Variants in PRPF18 observed in about 807,000 individuals in gnomAD.
PRPF18 encodes pre-mRNA-splicing factor 18.
In PRPF18, 38 loss-of-function variants were observed where a neutral mutation model predicts 46.5. That is an observed-to-expected ratio of 0.82 (90% CI 0.63 to 1.07). The LOEUF (loss-of-function observed/expected upper bound fraction) is 1.07. PRPF18 is among the 50% of genes least tolerant of loss of function. PRPF18 has a pLI of 0.00. For missense variants in PRPF18, 263 were observed against 410.0 expected (o/e 0.64, Z 3.10); for synonymous variants, 152 against 146.7 (o/e 1.04, Z -0.26).
At chr10:13,624,800 C>G (rs1367852918) in intron 9 of PRPF18, among the ~76,000 whole-genome samples, 1 of 152,180 alleles carries the variant, frequency 6.6e-6, no homozygotes. Flanking sequence ...AGTGAAAAAA[C>G]CAGCTTGCTG....
chr10:13,655,684 A>T, the PRPF18 span: 1 of 152,090 alleles, frequency 6.6e-6, no homozygotes, highest in African/African-American at 2.4e-5. Flanking sequence ...ACCCCCCATT[A>T]TCTCAGGTCA....
In PRPF18 at chr10:13,611,670, C is replaced by T; in HGVS notation, c.566C>T (p.Thr189Ile). 6.2e-7 allele frequency: 1 copy of T among 1,613,772 alleles called. No individual in the cohort carries two copies. The highest frequency in any genetic ancestry group is 8.5e-7 in the Non-Finnish European group (1 of 1,179,758). Residue 189 changes from threonine to isoleucine, a missense_variant, in exon 6 of 10, where the codon ACC becomes ATC. Transcript: ENST00000378572. ...GDDHKDMDIITKFLKFLLGVW... is the reference protein window; with the variant it reads ...GDDHKDMDIIIKFLKFLLGVW... ...GATCATAAAGACATGGACATCATCACCAAATTCCTGAAGGTGCGTGTCTTA... is the reference window on the plus strand; with the variant it reads ...GATCATAAAGACATGGACATCATCATCAAATTCCTGAAGGTGCGTGTCTTA...
intron 3 of PRPF18, among the ~76,000 whole-genome samples, chr10:13,602,194 A>G (rs553995780): frequency 6.6e-6 from 1 of 152,340 alleles, no homozygotes; most frequent in African/African-American, 2.4e-5. Flanking sequence ...AATTTTTGCC[A>G]AACTGATGGG....
At chr10:13,623,185 C>T (rs546474929) in intron 9 of PRPF18, among the ~76,000 whole-genome samples, 39 of 151,446 alleles carry the variant, frequency 2.6e-4, no homozygotes, top group African/African-American at 8.7e-4. Context: ...TGGGTGACAG[C>T]GCGAGACTCC....
intron 3 of PRPF18, among the ~76,000 whole-genome samples, chr10:13,605,271 G>A (rs373387767): frequency 2.0e-5 from 3 of 152,112 alleles, no homozygotes; most frequent in African/African-American, 7.2e-5. Flanking sequence ...TTTTTGAGAT[G>A]TTTAGTTTTT....
chr10:13,634,283 G>C (rs958292411), downstream of PRPF18, among the ~76,000 whole-genome samples: 3 of 152,158 alleles, frequency 2.0e-5, no homozygotes, highest in Non-Finnish European at 4.4e-5. Context: ...ACTTCCTTCT[G>C]TTGAGTCTCT....
In PRPF18 at chr10:13,598,892, T is replaced by G. The variant is rs2133319809; in HGVS notation, c.145-1352T>G. ...GATAAGGTAGGAAAGTAACTTAATA[T>G]AGTGGCAGTTTTTGCTTTTGTTTAG... On this transcript the variant is annotated intron_variant, in intron 2 of 9. Coordinates refer to ENST00000378572, the MANE Select transcript of PRPF18 (RefSeq NM_003675.4). Among the ~76,000 whole-genome samples the G allele has an allele frequency of 2.0e-5, 3 of 152,288 alleles. No homozygotes were observed. The South Asian group carries it at 6.2e-4, about 32-fold the overall frequency.
chr10:13,638,831 A>C, the PRPF18 span: 2 of 152,174 alleles, frequency 1.3e-5, no homozygotes, highest in African/African-American at 4.8e-5. Flanking sequence ...TTAACCAAAT[A>C]TTTGGGTACC....
Position 13,587,061 on chromosome 10 carries a change from A to C in PRPF18, c.-26A>C. On this transcript the variant is annotated 5_prime_UTR_variant, in exon 1 of 10. Transcript: ENST00000378572. Reference sequence around the variant, plus strand: ...TGGGTTCGAGGAGCTGGAGCGGGAAACTGGAGCTTAAATTCTGGCGGCGAG... The same window carrying C: ...TGGGTTCGAGGAGCTGGAGCGGGAACCTGGAGCTTAAATTCTGGCGGCGAG... 6.2e-7 allele frequency: 1 copy of C among 1,612,376 alleles called. No individual in the cohort carries two copies. The highest frequency in any genetic ancestry group is 2.2e-5 in the East Asian group (1 of 44,878).
chr10:13,607,252 TA>T (rs929538233), intron 4 of PRPF18, among the ~76,000 whole-genome samples: 2 of 152,180 alleles, frequency 1.3e-5, no homozygotes, highest in East Asian at 1.9e-4. Context: ...TTGTTCATTT[TA>T]AAAATAAACT....
At chr10:13,614,177 A>C in intron 8 of PRPF18, 91 bp downstream of exon 8, 1 of 995,670 alleles carries the variant, frequency 1.0e-6, no homozygotes, top group Non-Finnish European at 1.4e-6. Flanking sequence ...AGGATTTTAC[A>C]TAGTAGATTT....
At chr10:13,652,028 A>T in the PRPF18 span, 114 of 925,264 alleles carry the variant, frequency 1.2e-4, 1 homozygote, top group South Asian at 1.3e-3. Flanking sequence ...TTACAGAGAG[A>T]CACTGACACA....
intron 6 of PRPF18, 100 bp downstream of exon 6, chr10:13,611,783 T>C: frequency 1.1e-6 from 1 of 944,570 alleles, no homozygotes; most frequent in Non-Finnish European, 1.7e-6. Flanking sequence ...CGGGAAAGCC[T>C]CAATACACAT....
chr10:13,620,496 T>C (rs1414156946), intron 9 of PRPF18, among the ~76,000 whole-genome samples: 1 of 152,232 alleles, frequency 6.6e-6, no homozygotes, highest in African/African-American at 2.4e-5. Context: ...CCAATGATTC[T>C]TGATACGTGT....
intron 9 of PRPF18, among the ~76,000 whole-genome samples, chr10:13,617,731 T>A (rs1303076942): frequency 1.3e-5 from 2 of 152,240 alleles, no homozygotes; most frequent in Non-Finnish European, 2.9e-5. Flanking sequence ...AGGAGTGATT[T>A]TTTTTTAAGT....
intron 8 of PRPF18, among the ~76,000 whole-genome samples, chr10:13,615,992 A>G (rs971804011): frequency 1.1e-4 from 16 of 152,176 alleles, no homozygotes; most frequent in East Asian, 5.8e-4. Flanking sequence ...ATGAAAAACT[A>G]CTTAGCCCCT....
At chr10:13,621,009 C>T (rs1417773196) in intron 9 of PRPF18, among the ~76,000 whole-genome samples, 2 of 152,176 alleles carry the variant, frequency 1.3e-5, no homozygotes, top group Non-Finnish European at 2.9e-5. Context: ...AGAGATGTAA[C>T]CCCTGGCCCA....
chr10:13,632,233 C>T (rs1286700973), downstream of PRPF18, among the ~76,000 whole-genome samples: 5 of 151,906 alleles, frequency 3.3e-5, no homozygotes, highest in Non-Finnish European at 4.4e-5. Context: ...CCCAGCTACT[C>T]GGGAGGCTGA....
chr10:13,642,937 C>A, the PRPF18 span: 3 of 152,174 alleles, frequency 2.0e-5, no homozygotes, highest in Non-Finnish European at 4.4e-5. Flanking sequence ...GTAAGGCTTC[C>A]CATCCAGGAG....
Sources: allele counts gnomAD v4.1 joint callset (sites outside exome capture counted in the v4.1 genomes callset), GRCh38; gene constraint gnomAD v4.1.1; transcripts MANE v1.5; gene names NCBI Gene and HGNC (gene_info 2026-07-23, HGNC 2026-07-21).